The following PNPO variants were observed in gnomAD, a reference collection of about 807,000 sequenced individuals.
The protein encoded by PNPO is pyridoxine-5'-phosphate oxidase.
A neutral mutation model predicts 35.0 loss-of-function variants in PNPO; 39 were observed. That is an observed-to-expected ratio of 1.11 (90% CI 0.86 to 1.45). PNPO has a LOEUF of 1.45. Among genes scored for constraint, PNPO ranks in the 40% most tolerant of loss-of-function variants. The probability of loss-of-function intolerance (pLI) is 0.00; values close to 1 mark genes in which losing one functional copy is unlikely to be tolerated. For missense variants in PNPO, 288 were observed against 340.0 expected (o/e 0.85, Z 1.20); for synonymous variants, 115 against 119.8 (o/e 0.96, Z 0.26).
Position 47,948,521 on chromosome 17 carries a change from C to A in PNPO, c.*1739C>A. On this transcript the variant is annotated 3_prime_UTR_variant, in exon 7 of 7. Coordinates refer to ENST00000642017, the MANE Select transcript of PNPO (RefSeq NM_018129.4). ...AACTCCCCAGATAATTCTGTGCAGC[C>A]AAGGTTGAGACCTCCTAGTCTAGAG... The A allele has an allele frequency of 6.6e-6, 1 of 152,320 alleles. No homozygotes were observed. The highest frequency in any genetic ancestry group is 1.5e-5 in the Non-Finnish European group (1 of 68,038). 9.4% of individuals were successfully genotyped at this position (152,320 alleles called of 1,614,324 possible).
chr17:47,944,543 C>G (rs1026537639), intron 2 of PNPO, 73 bp from the exon 3 acceptor site: 10 of 1,185,070 alleles, frequency 8.4e-6, no homozygotes, highest in Non-Finnish European at 1.3e-5. Context: ...GCTGAGACAT[C>G]CTTTGGGGAG....
At chr17:47,943,528 T>G (rs2035970668) in intron 2 of PNPO, 98 bp downstream of exon 2, 1 of 1,441,712 alleles carries the variant, frequency 6.9e-7, no homozygotes, top group South Asian at 1.2e-5. Flanking sequence ...GTTCCAGCTC[T>G]GTTATTAACA....
intron 3 of PNPO, 100 bp downstream of exon 3, chr17:47,944,815 G>A: frequency 2.1e-6 from 2 of 940,640 alleles, no homozygotes; most frequent in Non-Finnish European, 3.5e-6. Flanking sequence ...CAGTCTACTT[G>A]CTCTCTGTGT....
chr17:47,946,836 G>A lies in PNPO; in HGVS notation c.*54G>A. 1.9e-6 allele frequency: 3 copies of A among 1,539,946 alleles called. No homozygotes were observed. The highest frequency in any genetic ancestry group is 1.8e-6 in the Non-Finnish European group (2 of 1,116,490). On this transcript the variant is annotated 3_prime_UTR_variant, in exon 7 of 7. Coordinates refer to ENST00000642017, the MANE Select transcript of PNPO (RefSeq NM_018129.4). Reference sequence around the variant, plus strand: ...CTAGGGCTAGGTGTCAAGAGAGGGTGTGGGATTGGGACCCAGGCCCTTCTT... The same window carrying A: ...CTAGGGCTAGGTGTCAAGAGAGGGTATGGGATTGGGACCCAGGCCCTTCTT...
chr17:47,946,780 T>C lies in PNPO; in HGVS notation c.784T>C (p.Ter262GlnextTer28), dbSNP rs104894631. 6.2e-7 allele frequency: 1 copy of C among 1,613,958 alleles called. No homozygotes were observed. The highest frequency in any genetic ancestry group is 8.5e-7 in the Non-Finnish European group (1 of 1,179,938). The part of the protein sequence containing the change: ...EDWLYERLAP[*>Q] ...CTGGCTCTATGAGAGACTTGCACCT[T>C]AACTCTGGGACCTGCTGGCCCAGAG... Residue 262 changes from the stop codon to glutamine, a stop_lost, in exon 7 of 7, where the codon TAA (stop) becomes CAA (glutamine). Transcript: ENST00000642017.
intron 3 of PNPO, 106 bp downstream of exon 3, chr17:47,944,821 T>A: frequency 1.1e-6 from 1 of 874,578 alleles, no homozygotes; most frequent in Non-Finnish European, 1.9e-6. Flanking sequence ...ACTTGCTCTC[T>A]GTGTGCAGGT....
At chr17:47,943,742 C>T (rs1222879119) in intron 2 of PNPO, among the ~76,000 whole-genome samples, 1 of 152,234 alleles carries the variant, frequency 6.6e-6, no homozygotes, top group East Asian at 1.9e-4. Context: ...GGAGCTACTT[C>T]TCCTGGTGAA....
At chr17:47,942,335 G>C (rs1052125234) in intron 1 of PNPO, among the ~76,000 whole-genome samples, 1 of 151,762 alleles carries the variant, frequency 6.6e-6, no homozygotes, top group East Asian at 2.0e-4. Context: ...GTCATCTACT[G>C]GGGGGAGGGG....
At chr17:47,942,407 G>A (rs1261694095) in intron 1 of PNPO, among the ~76,000 whole-genome samples, 1 of 152,130 alleles carries the variant, frequency 6.6e-6, no homozygotes, top group Non-Finnish European at 1.5e-5. Context: ...GAGATTTGGG[G>A]GTCACCCAAA....
Position 47,946,864 on chromosome 17 carries a change from TA to T in PNPO, c.*85del, listed in dbSNP as rs2036018208. 1 of 1,334,024 alleles carries T rather than the reference TA, an allele frequency of 7.5e-7. No individual in the cohort carries two copies. Among genetic ancestry groups the T allele is most frequent in the East Asian group, 2.3e-5 (1 of 43,562 alleles). 82.6% of individuals were successfully genotyped at this position (1,334,024 alleles called of 1,614,324 possible). A position where few individuals can be genotyped will look rare whatever the true frequency, so the allele number is the denominator to read the frequency against. On this transcript the variant is annotated 3_prime_UTR_variant, in exon 7 of 7. Transcript: ENST00000642017. ...GGATTGGGACCCAGGCCCTTCTTTC[TA>T]AACTCAACCCATTTCCCTCCCTACC...
Position 47,946,366 on chromosome 17 carries a change from A to G in PNPO, c.590A>G (p.Asp197Gly). 5 of 1,613,702 alleles carry G rather than the reference A, an allele frequency of 3.1e-6. No homozygotes were observed. Among genetic ancestry groups the G allele is most frequent in the Non-Finnish European group, 4.2e-6 (5 of 1,179,622 alleles). The change falls in exon 6 of 7, where the codon GAT (aspartate) becomes GGT (glycine). Residue 197 changes from aspartate to glycine, a missense_variant. By Grantham distance (94) the Asp-to-Gly change is moderately conservative. Transcript: ENST00000642017. The stretch of plus-strand genomic sequence containing the variant: ...GAGGAACTGGAACAGCTCTACCAGG[A>G]TCAAGAGGTGCCCAAGCCAAAATCC... ...KNEELEQLYQ[D>G]QEVPKPKSWG...
Position 47,945,761 on chromosome 17 carries a change from A to G in PNPO, c.418-100A>G. ...TAGCCCTCAGTTAGTTGGAGCCAAG[A>G]GTGGTGGGGCAGCCGATCGAACAGA... is the stretch of plus-strand genomic sequence containing the variant. On this transcript the variant is annotated intron_variant, in intron 4 of 6. Coordinates refer to ENST00000642017, the MANE Select transcript of PNPO (RefSeq NM_018129.4). The surrounding 1 kb of genome is among the most constrained non-coding windows in gnomAD (Gnocchi z 4.0). 6.6e-7 allele frequency: 1 copy of G among 1,517,766 alleles called. No individual in the cohort carries two copies. Among genetic ancestry groups the G allele is most frequent in the Non-Finnish European group, 9.1e-7 (1 of 1,103,194 alleles). The allele number at this position is 1,517,766 out of a possible 1,614,324, so 94.0% of individuals were successfully genotyped here. A position where few individuals can be genotyped will look rare whatever the true frequency, so the allele number is the denominator to read the frequency against.
In PNPO at chr17:47,946,696, C is replaced by T. The variant is rs368943864; in HGVS notation, c.700C>T (p.Arg234Trp). The change falls in exon 7 of 7, where the codon CGG becomes TGG. Residue 234 changes from arginine to tryptophan, a missense_variant. Arg to Trp is a moderately radical substitution (Grantham distance 101, BLOSUM62 -3). Transcript: ENST00000642017. ...CCTGCATGACCGGATAGTCTTTCGG[C>T]GGGGCCTACCCACAGGAGATTCCCC... Reference protein sequence around the residue: ...NRLHDRIVFRRGLPTGDSPLG... With the variant: ...NRLHDRIVFRWGLPTGDSPLG... 17 of 1,614,046 alleles carry T rather than the reference C, an allele frequency of 1.1e-5. No homozygotes were observed. In the African/African-American group the frequency reaches 2.0e-4, roughly 19 times the overall value.
rs2036021999 is a variant in PNPO at position 47,947,136 on chromosome 17, CAT to C, written c.*356_*357del. The stretch of plus-strand genomic sequence containing the variant: ...CAGCCCTGTCTGTTACCATGTGAGT[CAT>C]ACTGGCCAAAGCTTAGTCCTAGCAT... On this transcript the variant is annotated 3_prime_UTR_variant, in exon 7 of 7. Coordinates refer to ENST00000642017, the MANE Select transcript of PNPO (RefSeq NM_018129.4). 3.3e-6 allele frequency: 1 copy of C among 300,274 alleles called. No homozygotes were observed. The highest frequency in any genetic ancestry group is 6.5e-6 in the Non-Finnish European group (1 of 154,208). The allele number at this position is 300,274 out of a possible 1,614,324, so 18.6% of individuals were successfully genotyped here.
rs2035993135 is a variant in PNPO, at chr17:47,945,301, G to C, written c.364-258G>C. 3 of 507,776 alleles carry C rather than the reference G, an allele frequency of 5.9e-6. No individual in the cohort carries two copies. The allele number at this position is 507,776 out of a possible 1,614,324, so 31.5% of individuals were successfully genotyped here. On this transcript the variant is annotated intron_variant, in intron 3 of 6. Coordinates refer to ENST00000642017, the MANE Select transcript of PNPO (RefSeq NM_018129.4). The surrounding 1 kb of genome is among the most constrained non-coding windows in gnomAD (Gnocchi z 4.0). ...TCAAGACTCACAAATCTGTGGGTGAGAGAAATCACCCAGTCTCACTTTGGA... is the reference window on the plus strand; with the variant it reads ...TCAAGACTCACAAATCTGTGGGTGACAGAAATCACCCAGTCTCACTTTGGA...
rs1333456109 is a variant in PNPO at position 47,948,235 on chromosome 17, T to C, written c.*1453T>C. ...TATGGAAACTGTGTGTATGTATACA[T>C]ACATTTTCCAAAAAGAAAAATTAAA... On this transcript the variant is annotated 3_prime_UTR_variant, in exon 7 of 7. Transcript: ENST00000642017. The C allele has an allele frequency of 1.3e-5, 2 of 152,220 alleles. No individual in the cohort carries two copies. Among genetic ancestry groups the C allele is most frequent in the Non-Finnish European group, 2.9e-5 (2 of 68,040 alleles). 9.4% of individuals were successfully genotyped at this position (152,220 alleles called of 1,614,324 possible). A position where few individuals can be genotyped will look rare whatever the true frequency, so the allele number is the denominator to read the frequency against.
intron 1 of PNPO, among the ~76,000 whole-genome samples, chr17:47,942,796 C>T (rs770755323): frequency 2.6e-5 from 4 of 152,056 alleles, no homozygotes; most frequent in African/African-American, 7.3e-5. Flanking sequence ...CATGTTGGAG[C>T]GTGCCTGTAA....
At position 47,945,216 on chromosome 17, in the gene PNPO, A is replaced by G; in HGVS notation, c.364-343A>G. On this transcript the variant is annotated intron_variant, in intron 3 of 6. Coordinates refer to ENST00000642017, the MANE Select transcript of PNPO (RefSeq NM_018129.4). The surrounding 1 kb of genome is among the most constrained non-coding windows in gnomAD (Gnocchi z 4.0). ...CAGAGTGGGCACTTCGCGTGCATTC[A>G]ATGAATGAATCCAAAATGAGTAAAC... 1 of 399,874 alleles carries G rather than the reference A, an allele frequency of 2.5e-6. No individual in the cohort carries two copies. Among genetic ancestry groups the G allele is most frequent in the Non-Finnish European group, 4.7e-6 (1 of 211,344 alleles). The allele number at this position is 399,874 out of a possible 1,614,324, so 24.8% of individuals were successfully genotyped here. A position where few individuals can be genotyped will look rare whatever the true frequency, so the allele number is the denominator to read the frequency against.
In PNPO at chr17:47,946,848, C is replaced by A. The variant is rs1181621122; in HGVS notation, c.*66C>A. On this transcript the variant is annotated 3_prime_UTR_variant, in exon 7 of 7. Transcript: ENST00000642017. ...GTCAAGAGAGGGTGTGGGATTGGGA[C>A]CCAGGCCCTTCTTTCTAAACTCAAC... 1.0e-5 allele frequency: 15 copies of A among 1,481,004 alleles called. No individual in the cohort carries two copies. The highest frequency in any genetic ancestry group is 5.0e-5 in the Admixed American group (3 of 59,694). 91.7% of individuals were successfully genotyped at this position (1,481,004 alleles called of 1,614,324 possible).
Sources: allele counts gnomAD v4.1 joint callset (sites outside exome capture counted in the v4.1 genomes callset), GRCh38; gene constraint gnomAD v4.1.1; non-coding constraint Gnocchi (gnomAD v3.1); transcripts MANE v1.5; gene names NCBI Gene and HGNC (gene_info 2026-07-23, HGNC 2026-07-21).